The following CCDC125 variants were observed in gnomAD, a reference collection of about 807,000 sequenced individuals.
CCDC125 encodes coiled-coil domain-containing protein 125.
Under a neutral mutation model 57.4 loss-of-function variants are expected in CCDC125, and 43 were observed. The observed-to-expected ratio is 0.75, with a 90% confidence interval of 0.59 to 0.97. The LOEUF (loss-of-function observed/expected upper bound fraction) is 0.97. CCDC125 is among the 50% of genes least tolerant of loss of function. The probability of loss-of-function intolerance (pLI) is 0.00; values close to 1 mark genes in which losing one functional copy is unlikely to be tolerated. For synonymous variants in CCDC125, 187 were observed against 195.2 expected (o/e 0.96, Z 0.35); for missense variants, 563 against 595.7 (o/e 0.95, Z 0.57).
intron 8 of CCDC125, 151 bp from the exon 9 acceptor site, chr5:69,295,051 G>A (rs776915366): frequency 3.6e-6 from 2 of 551,436 alleles, no homozygotes; most frequent in Non-Finnish European, 6.5e-6. Context: ...ATAGAAGAAA[G>A]CTGAGACTGG....
At chr5:69,273,049 G>T in the CCDC125 span, 1 of 1,494,146 alleles carries the variant, frequency 6.7e-7, no homozygotes, top group Non-Finnish European at 9.0e-7. Context: ...CAGGTATTTT[G>T]GTGTATCTTT....
intron 1 of CCDC125, among the ~76,000 whole-genome samples, chr5:69,321,675 C>G (rs1484505577): frequency 1.3e-5 from 2 of 152,194 alleles, no homozygotes; most frequent in African/African-American, 4.8e-5. Flanking sequence ...TCTATGTGGT[C>G]TGTCATTGAC....
rs748530090 is a variant in CCDC125, at chr5:69,300,076, T to C, written c.752A>G (p.Gln251Arg). 2 of 1,614,230 alleles carry C rather than the reference T, an allele frequency of 1.2e-6. No homozygotes were observed. Among genetic ancestry groups the C allele is most frequent in the Non-Finnish European group, 8.5e-7 (1 of 1,180,040 alleles). The change falls in exon 8 of 12, where the codon CAG becomes CGG. Residue 251 changes from glutamine (Q) to arginine (R), a missense_variant. Physicochemically the swap from Gln to Arg is conservative, Grantham distance 43. Transcript: ENST00000396496. Reference sequence around the variant, plus strand: ...GCACATGTTTTCCTGAGCCATCTTCTGCTGTTTGATATCAAGCATGGCGAG... The same window carrying C: ...GCACATGTTTTCCTGAGCCATCTTCCGCTGTTTGATATCAAGCATGGCGAG... Reference protein sequence around the residue: ...EALAMLDIKQQKMAQENMCCD... With the variant: ...EALAMLDIKQRKMAQENMCCD...
At chr5:69,327,506 A>T (rs755325903) in intron 1 of CCDC125, among the ~76,000 whole-genome samples, 1 of 152,218 alleles carries the variant, frequency 6.6e-6, no homozygotes, top group Non-Finnish European at 1.5e-5. Context: ...TGAAGTCACT[A>T]AACTATCCAA....
At chr5:69,332,487 T>A (rs550377506) in intron 1 of CCDC125, among the ~76,000 whole-genome samples, 162 bp downstream of exon 1, 1 of 152,184 alleles carries the variant, frequency 6.6e-6, no homozygotes, top group African/African-American at 2.4e-5. Flanking sequence ...GAGAGAGAAA[T>A]AGGGTCTCTG....
chr5:69,304,325 G>A (rs572982895), intron 6 of CCDC125, among the ~76,000 whole-genome samples: 2 of 151,676 alleles, frequency 1.3e-5, no homozygotes, highest in Admixed American at 6.6e-5. Context: ...GGCTGGTCTC[G>A]AACTCCTGAC....
At chr5:69,304,586 C>T (rs748262097) in intron 6 of CCDC125, among the ~76,000 whole-genome samples, 2 of 151,610 alleles carry the variant, frequency 1.3e-5, no homozygotes, top group African/African-American at 2.4e-5. Flanking sequence ...CCACCACGCC[C>T]GGCCAATTTT....
At chr5:69,326,588 A>G (rs1015231631) in intron 1 of CCDC125, among the ~76,000 whole-genome samples, 3 of 152,294 alleles carry the variant, frequency 2.0e-5, no homozygotes, top group Middle Eastern at 3.4e-3. Context: ...TATAAGGGGG[A>G]AAAGCTGTAA....
At chr5:69,276,746 C>T (rs548025135), downstream of CCDC125, 7 of 1,446,718 alleles carry the variant, frequency 4.8e-6, no homozygotes, top group East Asian at 6.8e-5. Context: ...CCAAATAGCT[C>T]GTGTATGGCT....
intron 1 of CCDC125, among the ~76,000 whole-genome samples, chr5:69,327,156 G>A (rs1037568373): frequency 1.3e-5 from 2 of 148,224 alleles, no homozygotes; most frequent in Admixed American, 6.8e-5. Context: ...GTGCCCTGGC[G>A]AGATCTCGGC....
rs1415533994 is a variant in CCDC125 at position 69,281,531 on chromosome 5, A to T, written c.*1198T>A. ...CAAATCTGTGCAGATTTGGTTGCAA[A>T]ATGTTACTACCCTGACAAGAAGCCA... On this transcript the variant is annotated 3_prime_UTR_variant, in exon 12 of 12. Coordinates refer to ENST00000396496, the MANE Select transcript of CCDC125 (RefSeq NM_176816.5). The T allele has an allele frequency of 1.3e-5, 2 of 152,100 alleles. No individual in the cohort carries two copies. The highest frequency in any genetic ancestry group is 4.8e-5 in the African/African-American group (2 of 41,410). 9.4% of individuals were successfully genotyped at this position (152,100 alleles called of 1,614,324 possible). A position where few individuals can be genotyped will look rare whatever the true frequency, so the allele number is the denominator to read the frequency against.
chr5:69,273,447 T>A, the CCDC125 span, among the ~76,000 whole-genome samples: 6 of 152,220 alleles, frequency 3.9e-5, no homozygotes, highest in Non-Finnish European at 4.4e-5. Context: ...GCTTATTTTT[T>A]CTTTCCTATA....
At chr5:69,315,326 G>A (rs1382963478) in intron 2 of CCDC125, among the ~76,000 whole-genome samples, 8 of 151,684 alleles carry the variant, frequency 5.3e-5, no homozygotes, top group Admixed American at 4.0e-4. Context: ...ACTTTGGGAG[G>A]CTGAGGCAGG....
At chr5:69,321,286 T>A (rs1759979540) in intron 1 of CCDC125, among the ~76,000 whole-genome samples, 1 of 149,054 alleles carries the variant, frequency 6.7e-6, no homozygotes, top group South Asian at 2.1e-4. Context: ...TTGTACCTCA[T>A]AAATATAGGC....
At chr5:69,327,070 G>C (rs1760820398) in intron 1 of CCDC125, among the ~76,000 whole-genome samples, 1 of 150,014 alleles carries the variant, frequency 6.7e-6, no homozygotes. Context: ...TAACTTCAGG[G>C]ACTGCTGACT....
At position 69,283,462 on chromosome 5, in the gene CCDC125, A is replaced by T. The variant is rs551483664; in HGVS notation, c.1231-428T>A. ...GTCTGAATCTCCTGACCTTGTGATC[A>T]GCCCACCTTGGCCTCCCAAAGTGCT... On this transcript the variant is annotated intron_variant, in intron 11 of 11. Transcript: ENST00000396496. Among the ~76,000 whole-genome samples the T allele has an allele frequency of 1.3e-3, 190 of 151,842 alleles. 1 individual carries two copies. Among genetic ancestry groups the T allele is most frequent in the Non-Finnish European group, 1.6e-3 (106 of 67,956 alleles).
the CCDC125 span, among the ~76,000 whole-genome samples, chr5:69,274,514 A>G: frequency 1.3e-5 from 2 of 152,234 alleles, no homozygotes; most frequent in Admixed American, 1.3e-4. Flanking sequence ...CTGTTGAAGT[A>G]AGGAATCTCT....
intron 2 of CCDC125, among the ~76,000 whole-genome samples, chr5:69,317,945 G>C (rs1759379616): frequency 6.6e-6 from 1 of 150,832 alleles, no homozygotes; most frequent in Admixed American, 6.6e-5. Flanking sequence ...GACCAGCCTG[G>C]GTAACATAGT....
chr5:69,285,129 A>AAACAG (rs1478755899), intron 11 of CCDC125, among the ~76,000 whole-genome samples: 1 of 151,762 alleles, frequency 6.6e-6, no homozygotes, highest in East Asian at 1.9e-4. Context: ...AAAACAAACA[A>AAACAG]AACAAAAAAA....
Sources: allele counts gnomAD v4.1 joint callset (sites outside exome capture counted in the v4.1 genomes callset), GRCh38; gene constraint gnomAD v4.1.1; transcripts MANE v1.5; gene names NCBI Gene and HGNC (gene_info 2026-07-23, HGNC 2026-07-21).